RRAGD: variants seen among roughly 807,000 people sequenced by gnomAD.
RRAGD encodes Ras related GTP binding D, also known as ras-related GTP-binding protein D.
Under a neutral mutation model 35.5 loss-of-function variants are expected in RRAGD, and 12 were observed. The observed-to-expected ratio is 0.34, with a 90% CI of 0.22 to 0.55. The LOEUF (loss-of-function observed/expected upper bound fraction) is 0.55. RRAGD is among the 20% of genes least tolerant of loss of function. The pLI is 0.91. For missense variants in RRAGD, 324 were observed against 490.1 expected (o/e 0.66, Z 3.20); for synonymous variants, 155 against 178.9 (o/e 0.87, Z 1.07).
intron 2 of RRAGD, among the ~76,000 whole-genome samples, chr6:89,384,983 C>T (rs921723585): frequency 6.6e-6 from 1 of 151,896 alleles, no homozygotes; most frequent in Non-Finnish European, 1.5e-5. Context: ...GAGCCCAGGA[C>T]TTTGAGGCTG....
At position 89,409,486 on chromosome 6, in the gene RRAGD, T is replaced by C. The variant is rs571773867; in HGVS notation, c.148+2360A>G. On this transcript the variant is annotated intron_variant, in intron 1 of 6. Coordinates refer to ENST00000369415, the MANE Select transcript of RRAGD (RefSeq NM_021244.5). The stretch of plus-strand genomic sequence containing the variant: ...CTTTTCTCAGAATAACTCCTTTTTT[T>C]CCCTACATTCTATTTCTTAAGTTTG... Among the ~76,000 whole-genome samples the C allele has an allele frequency of 6.6e-5, 10 of 152,346 alleles. No homozygotes were observed. The East Asian group carries it at 7.7e-4, about 12-fold the overall frequency.
At chr6:89,390,372 C>A (rs577465929) in intron 1 of RRAGD, among the ~76,000 whole-genome samples, 1 of 152,308 alleles carries the variant, frequency 6.6e-6, no homozygotes, top group Non-Finnish European at 1.5e-5. Context: ...ATAGACATTT[C>A]TCCAAAGAGA....
chr6:89,408,658 G>C (rs1175153190), intron 1 of RRAGD, among the ~76,000 whole-genome samples: 1 of 152,166 alleles, frequency 6.6e-6, no homozygotes, highest in Non-Finnish European at 1.5e-5. Context: ...TGCTATGAAG[G>C]CAAAGACCGA....
At position 89,411,572 on chromosome 6, in the gene RRAGD, G is replaced by C. The variant is rs775203932; in HGVS notation, c.148+274C>G. On this transcript the variant is annotated intron_variant, in intron 1 of 6. Coordinates refer to ENST00000369415, the MANE Select transcript of RRAGD (RefSeq NM_021244.5). This position sits in a 1 kb window ranked among gnomAD's most constrained non-coding sequence, Gnocchi z 5.6. ...GCGCGGGAGGCACCGGCTCTGAAAG[G>C]GGCAGAAGCGCGCGCTCCTCCAGCC... 1.0e-5 allele frequency: 5 copies of C among 492,390 alleles called. No homozygotes were observed. In the South Asian group the frequency reaches 1.1e-4, roughly 11 times the overall value. The allele number at this position is 492,390 out of a possible 1,614,324, so 30.5% of individuals were successfully genotyped here. A position where few individuals can be genotyped will look rare whatever the true frequency, so the allele number is the denominator to read the frequency against.
At chr6:89,387,180 G>T in intron 2 of RRAGD, 115 bp downstream of exon 2, 1 of 1,084,022 alleles carries the variant, frequency 9.2e-7, no homozygotes, top group Non-Finnish European at 1.3e-6. Context: ...CCCTGACCAA[G>T]AAACACTTGT....
rs1357344908 is a variant in RRAGD, at chr6:89,366,149, T to G, written c.*1907A>C. ...TCAAACCTTAAACACCAACCAGATA[T>G]CATCTTAAATTCAGTTACCAGCTTC... On this transcript the variant is annotated 3_prime_UTR_variant, in exon 7 of 7. Coordinates refer to ENST00000369415, the MANE Select transcript of RRAGD (RefSeq NM_021244.5). The G allele has an allele frequency of 6.6e-6, 1 of 152,066 alleles. No homozygotes were observed. Among genetic ancestry groups the G allele is most frequent in the Non-Finnish European group, 1.5e-5 (1 of 68,038 alleles). 9.4% of individuals were successfully genotyped at this position (152,066 alleles called of 1,614,324 possible). A position where few individuals can be genotyped will look rare whatever the true frequency, so the allele number is the denominator to read the frequency against.
At chr6:89,371,344 TC>T (rs1768851800) in intron 6 of RRAGD, among the ~76,000 whole-genome samples, 1 of 151,670 alleles carries the variant, frequency 6.6e-6, no homozygotes, top group Middle Eastern at 3.4e-3. Flanking sequence ...AAAAAAAAAT[TC>T]CAGGTTGTTG....
intron 1 of RRAGD, among the ~76,000 whole-genome samples, chr6:89,403,969 T>C (rs532712720): frequency 2.1e-4 from 32 of 152,340 alleles, no homozygotes. Flanking sequence ...CTTCTTGATT[T>C]AAATCTTTAT....
chr6:89,401,479 C>G (rs1769460273), intron 1 of RRAGD, among the ~76,000 whole-genome samples: 1 of 152,152 alleles, frequency 6.6e-6, no homozygotes, highest in African/African-American at 2.4e-5. Flanking sequence ...TGGTCTTGAA[C>G]TCCTGACCTT....
In RRAGD at chr6:89,411,971, G is replaced by A. The variant is rs1431964479; in HGVS notation, c.23C>T (p.Pro8Leu). The part of the protein sequence containing the change: MSQVLGK[P>L]QPQDEDDAEE... ...CGCGTCGTCCTCGTCCTGCGGCTGCGGCTTCCCCAGCACCTGGCTCATCGT... is the reference window on the plus strand; with the variant it reads ...CGCGTCGTCCTCGTCCTGCGGCTGCAGCTTCCCCAGCACCTGGCTCATCGT... Residue 8 changes from proline to leucine, a missense_variant, in exon 1 of 7, where the codon CCG becomes CTG. Physicochemically the swap from Pro to Leu is moderately conservative, Grantham distance 98. Around this residue, in one of 5 missense-constraint regions of RRAGD, gnomAD observed 96 missense variants for 78.7 expected, o/e 1.22. Transcript: ENST00000369415. The surrounding 1 kb of genome is among the most constrained non-coding windows in gnomAD (Gnocchi z 5.6). 2 of 1,536,212 alleles carry A rather than the reference G, an allele frequency of 1.3e-6. No individual in the cohort carries two copies. Among genetic ancestry groups the A allele is most frequent in the Non-Finnish European group, 1.7e-6 (2 of 1,145,884 alleles).
At chr6:89,380,022 T>A (rs1769014612) in intron 3 of RRAGD, 146 bp downstream of exon 3, 1 of 713,822 alleles carries the variant, frequency 1.4e-6, no homozygotes, top group Middle Eastern at 2.9e-4. Flanking sequence ...AAGCTCATTT[T>A]CCCCTAATCC....
At chr6:89,391,631 G>T (rs1049219197) in intron 1 of RRAGD, among the ~76,000 whole-genome samples, 3 of 152,118 alleles carry the variant, frequency 2.0e-5, no homozygotes, top group East Asian at 1.9e-4. Flanking sequence ...CTGTTAACTG[G>T]TATGTAGTTT....
chr6:89,381,960 T>C (rs1330159365), intron 2 of RRAGD, among the ~76,000 whole-genome samples: 3 of 151,200 alleles, frequency 2.0e-5, no homozygotes, highest in Non-Finnish European at 4.4e-5. Flanking sequence ...CAACAATTGG[T>C]GGTGTCAGAT....
intron 4 of RRAGD, 39 bp from the exon 5 acceptor site, chr6:89,377,852 C>A: frequency 6.6e-7 from 1 of 1,522,724 alleles, no homozygotes; most frequent in South Asian, 1.2e-5. Context: ...AAGCAACAGT[C>A]AACTTCAGAC....
At chr6:89,408,248 T>G (rs1439798426) in intron 1 of RRAGD, among the ~76,000 whole-genome samples, 1 of 152,220 alleles carries the variant, frequency 6.6e-6, no homozygotes, top group East Asian at 1.9e-4. Context: ...GATAGGGCAG[T>G]AGAAAAGCCC....
At position 89,387,514 on chromosome 6, in the gene RRAGD, C is replaced by T. The variant is rs748479077; in HGVS notation, c.225G>A (p.Lys75=). 2.5e-6 allele frequency: 4 copies of T among 1,614,082 alleles called. No individual in the cohort carries two copies. In the South Asian group the frequency reaches 4.4e-5, roughly 18 times the overall value. The change falls in exon 2 of 7, where the codon AAG becomes AAA. Residue 75 remains lysine, a synonymous_variant. Transcript: ENST00000369415. ...ILLMGLRRSG[K]SSIQKVVFHK... ...GAAAGACAACTTTCTGAATAGACGA[C>T]TTGCCGCTTCTCCTCAGGCCCATGA... is the stretch of plus-strand genomic sequence containing the variant.
chr6:89,374,024 A>G (rs538794555), intron 5 of RRAGD, among the ~76,000 whole-genome samples: 26 of 152,184 alleles, frequency 1.7e-4, no homozygotes, highest in South Asian at 4.1e-4. Context: ...ATTTATTTTT[A>G]CTCCCCAAAT....
chr6:89,403,575 T>G (rs980356893), intron 1 of RRAGD, among the ~76,000 whole-genome samples: 1 of 151,830 alleles, frequency 6.6e-6, no homozygotes, highest in African/African-American at 2.4e-5. Context: ...TGGGGATATA[T>G]ATATACATAT....
At chr6:89,379,144 C>A (rs994167283) in intron 4 of RRAGD, 80 bp downstream of exon 4, 2 of 685,278 alleles carry the variant, frequency 2.9e-6, no homozygotes, top group South Asian at 2.0e-5. Context: ...TAGAAGCAAT[C>A]GGAAATAAGA....
Sources: gnomAD v4.1 joint callset for allele counts (sites outside exome capture counted in the v4.1 genomes callset) on GRCh38, gnomAD v4.1.1 for gene constraint, gnomAD v4.1.1 regional missense constraint, Gnocchi (gnomAD v3.1) non-coding constraint, MANE v1.5 for transcripts, NCBI Gene and HGNC (gene_info 2026-07-23, HGNC 2026-07-21) for gene names.